The following HS3ST4 variants were observed in gnomAD, a reference collection of about 807,000 sequenced individuals.
HS3ST4 encodes heparan sulfate glucosamine 3-O-sulfotransferase 4.
In HS3ST4, 17 loss-of-function variants were observed where a neutral mutation model predicts 29.2. The observed-to-expected ratio is 0.58, with a 90% CI of 0.40 to 0.87. The LOEUF is 0.87. Among genes scored for constraint, HS3ST4 ranks in the 40% least tolerant of loss-of-function variants. HS3ST4 has a pLI of 0.00. For synonymous variants in HS3ST4, 314 were observed against 285.7 expected, an observed-to-expected ratio of 1.10 and a Z score of -1.00; for missense variants, 627 against 634.5, an observed-to-expected ratio of 0.99 and a Z score of 0.13.
At position 26,136,339 on chromosome 16, in the gene HS3ST4, T is replaced by C; in HGVS notation, c.*91T>C. On this transcript the variant is annotated 3_prime_UTR_variant, in exon 2 of 2. Transcript: ENST00000331351. Reference sequence around the variant, plus strand: ...CCCCAGCTTCTGCAGCTTCACTTGCTGGAGTGCCAAGTAGATCTCCTCCTC... The same window carrying C: ...CCCCAGCTTCTGCAGCTTCACTTGCCGGAGTGCCAAGTAGATCTCCTCCTC... 1.6e-6 allele frequency: 2 copies of C among 1,243,494 alleles called. No individual in the cohort carries two copies. Among genetic ancestry groups the C allele is most frequent in the Middle Eastern group, 2.0e-4 (1 of 4,962 alleles). 77.0% of individuals were successfully genotyped at this position (1,243,494 alleles called of 1,614,324 possible).
intron 1 of HS3ST4, among the ~76,000 whole-genome samples, chr16:26,105,409 G>T (rs1048900359): frequency 2.0e-5 from 3 of 152,072 alleles, no homozygotes; most frequent in African/African-American, 7.2e-5. Flanking sequence ...TCATTTCCTG[G>T]GTGATTGGTT....
chr16:25,955,704 T>A (rs953838891), intron 1 of HS3ST4, among the ~76,000 whole-genome samples: 8 of 152,088 alleles, frequency 5.3e-5, no homozygotes, highest in African/African-American at 1.9e-4. Flanking sequence ...GAGTGGTTGG[T>A]GTGTTTTAGG....
chr16:25,963,897 C>T (rs189812463), intron 1 of HS3ST4, among the ~76,000 whole-genome samples: 68 of 152,246 alleles, frequency 4.5e-4, no homozygotes, highest in African/African-American at 1.6e-3. Flanking sequence ...TAAGGCTGGG[C>T]GAGGTGGCTC....
intron 1 of HS3ST4, among the ~76,000 whole-genome samples, chr16:26,024,912 C>A (rs904574737): frequency 2.8e-4 from 43 of 152,170 alleles, no homozygotes; most frequent in African/African-American, 9.4e-4. Context: ...TCTAAGTGAC[C>A]TGCTAACAGT....
chr16:25,863,877 A>C (rs571597768), intron 1 of HS3ST4, among the ~76,000 whole-genome samples: 2 of 152,356 alleles, frequency 1.3e-5, no homozygotes, highest in East Asian at 1.9e-4. Context: ...CACAGACTGG[A>C]TGGTTTAAAC....
At chr16:26,129,780 G>A (rs763393033) in intron 1 of HS3ST4, among the ~76,000 whole-genome samples, 8 of 152,222 alleles carry the variant, frequency 5.3e-5, no homozygotes, top group Non-Finnish European at 1.2e-4. Context: ...TGAGTCCAAT[G>A]TCTGAAAATG....
Position 25,718,417 on chromosome 16 carries a change from C to T in HS3ST4, c.734+25266C>T, listed in dbSNP as rs535029123. Among the ~76,000 whole-genome samples the T allele has an allele frequency of 4.0e-5, 6 of 151,790 alleles. No individual in the cohort carries two copies. The East Asian group carries it at 5.8e-4, about 15-fold the overall frequency. On this transcript the variant is annotated intron_variant, in intron 1 of 1. Transcript: ENST00000331351. ...TCTTGGAGCAGCAAGGATAGGGTGTCGGAGCTGCTTTCTGGTCATTTCTTA... is the reference window on the plus strand; with the variant it reads ...TCTTGGAGCAGCAAGGATAGGGTGTTGGAGCTGCTTTCTGGTCATTTCTTA...
Position 25,807,915 on chromosome 16 carries a change from G to A in HS3ST4, c.734+114764G>A, listed in dbSNP as rs568311453. Among the ~76,000 whole-genome samples the A allele has an allele frequency of 9.9e-5, 15 of 152,134 alleles. No homozygotes were observed. In the South Asian group the frequency reaches 1.7e-3, roughly 17 times the overall value. ...AATGGCTAATGCGGTTGAACATCTC[G>A]TCATGTGCTTATTTTCCATTTTCTT... On this transcript the variant is annotated intron_variant, in intron 1 of 1. Transcript: ENST00000331351.
intron 1 of HS3ST4, among the ~76,000 whole-genome samples, chr16:25,860,752 A>G (rs576852245): frequency 6.6e-6 from 1 of 152,278 alleles, no homozygotes; most frequent in East Asian, 1.9e-4. Context: ...GGGTATTTTT[A>G]GGGCCATGAA....
intron 1 of HS3ST4, among the ~76,000 whole-genome samples, chr16:25,847,745 AG>A (rs1967480410): frequency 6.6e-6 from 1 of 152,196 alleles, no homozygotes; most frequent in African/African-American, 2.4e-5. Flanking sequence ...GTGAACATAT[AG>A]GGTTTGTCCT....
chr16:25,954,707 C>T (rs562648499), intron 1 of HS3ST4, among the ~76,000 whole-genome samples: 1 of 152,198 alleles, frequency 6.6e-6, no homozygotes, highest in East Asian at 1.9e-4. Flanking sequence ...TTTTTGAGCA[C>T]CAAGGTGACT....
intron 1 of HS3ST4, among the ~76,000 whole-genome samples, chr16:25,735,158 T>C (rs1361672148): frequency 6.6e-6 from 1 of 152,206 alleles, no homozygotes; most frequent in African/African-American, 2.4e-5. Flanking sequence ...CCTGCCTGAA[T>C]GTGTAGGCAG....
At chr16:25,984,284 G>A (rs193119291) in intron 1 of HS3ST4, among the ~76,000 whole-genome samples, 389 of 152,232 alleles carry the variant, frequency 2.6e-3, no homozygotes, top group African/African-American at 8.1e-3. Context: ...GGACGGTTTC[G>A]GGATGAAACT....
intron 1 of HS3ST4, among the ~76,000 whole-genome samples, chr16:26,115,230 T>G (rs1899185108): frequency 7.4e-6 from 1 of 135,922 alleles, no homozygotes; most frequent in African/African-American, 2.5e-5. Context: ...TTCATGTATA[T>G]GTGTGTATGT....
intron 1 of HS3ST4, among the ~76,000 whole-genome samples, chr16:25,873,396 A>T (rs1447463598): frequency 7.5e-6 from 1 of 133,094 alleles, no homozygotes; most frequent in African/African-American, 2.8e-5. Context: ...CCATCCATCC[A>T]TCCATCCATC....
chr16:25,932,148 T>C (rs1249828717), intron 1 of HS3ST4, among the ~76,000 whole-genome samples: 2 of 152,146 alleles, frequency 1.3e-5, no homozygotes, highest in Non-Finnish European at 2.9e-5. Flanking sequence ...ACCCTGTCTG[T>C]ACAAAAAATA....
At chr16:25,916,008 A>C (rs1476945528) in intron 1 of HS3ST4, among the ~76,000 whole-genome samples, 1 of 152,216 alleles carries the variant, frequency 6.6e-6, no homozygotes, top group Non-Finnish European at 1.5e-5. Flanking sequence ...TTTTTAGAGT[A>C]AACATCATAG....
intron 1 of HS3ST4, among the ~76,000 whole-genome samples, chr16:25,909,881 T>C (rs571853535): frequency 2.6e-5 from 4 of 152,134 alleles, no homozygotes; most frequent in African/African-American, 9.7e-5. Context: ...TTAGTTTTGT[T>C]TTTTAGAGGA....
At chr16:25,782,899 T>A (rs1169191071) in intron 1 of HS3ST4, among the ~76,000 whole-genome samples, 1 of 152,232 alleles carries the variant, frequency 6.6e-6, no homozygotes, top group Non-Finnish European at 1.5e-5. Context: ...AAAAATCCTT[T>A]TCATAGATTT....
Sources: allele counts gnomAD v4.1 joint callset (sites outside exome capture counted in the v4.1 genomes callset), GRCh38; gene constraint gnomAD v4.1.1; transcripts MANE v1.5; gene names NCBI Gene and HGNC (gene_info 2026-07-23, HGNC 2026-07-21).